CCR6: variants seen among roughly 807,000 people sequenced by gnomAD.
CCR6 encodes the protein C-C chemokine receptor type 6.
A neutral mutation model predicts 3.0 loss-of-function variants in CCR6; 2 were observed. The ratio of observed to expected loss-of-function variants is 0.66; its 90% CI spans 0.27 to 2.07. CCR6 has a LOEUF of 2.07. CCR6 is among the 30% of genes most tolerant of loss of function. The pLI is 0.14. For synonymous variants in CCR6, 193 were observed against 184.3 expected (o/e 1.05, Z -0.38); for missense variants, 322 against 462.8 (o/e 0.70, Z 2.79).
chr6:167,120,127 C>G (rs1012952208), upstream of CCR6, among the ~76,000 whole-genome samples: 6 of 152,126 alleles, frequency 3.9e-5, no homozygotes, highest in African/African-American at 1.4e-4. Flanking sequence ...TCTCTTGTGG[C>G]TCTGGGGGTC....
chr6:167,124,908 A>C (rs547497160), intron 1 of CCR6, among the ~76,000 whole-genome samples: 1 of 152,222 alleles, frequency 6.6e-6, no homozygotes, highest in East Asian at 1.9e-4. Flanking sequence ...ACACACATGT[A>C]TGTATACATG....
chr6:167,129,102 G>T (rs142883079), intron 1 of CCR6, among the ~76,000 whole-genome samples: 1 of 152,176 alleles, frequency 6.6e-6, no homozygotes, highest in Admixed American at 6.5e-5. Context: ...GCTGAAGGCC[G>T]AAATCAGTGC....
chr6:167,118,822 T>G (rs1781540933), upstream of CCR6, among the ~76,000 whole-genome samples: 1 of 152,068 alleles, frequency 6.6e-6, no homozygotes, highest in Non-Finnish European at 1.5e-5. Flanking sequence ...GGGCCTTTAG[T>G]GAGGATTAAT....
At chr6:167,133,930 G>GTA (rs1201380934) in intron 1 of CCR6, among the ~76,000 whole-genome samples, 29 of 29,046 alleles carry the variant, frequency 1.0e-3, no homozygotes, top group African/African-American at 3.1e-3. Context: ...TGATATATGT[G>GTA]TGTATATATA....
At chr6:167,111,838 C>G (rs1022122467) in exon 1 of CCR6, 1 of 152,330 alleles carries the variant, frequency 6.6e-6, no homozygotes, top group African/African-American at 2.4e-5. Context: ...GCAGTGTGGC[C>G]GGAGAGGAGA....
chr6:167,115,254 C>A (rs1462313888), intron 1 of CCR6: 1 of 152,248 alleles, frequency 6.6e-6, no homozygotes, highest in East Asian at 1.9e-4. Context: ...CAGCGCCCAG[C>A]GCCCTCTAGA....
intron 1 of CCR6, among the ~76,000 whole-genome samples, chr6:167,131,869 G>T (rs1562560007): frequency 6.6e-6 from 1 of 152,138 alleles, no homozygotes. Context: ...AAATGTCACC[G>T]ATTGAAGGGT....
intron 1 of CCR6, chr6:167,117,221 A>C (rs1781507999): frequency 3.5e-5 from 5 of 142,568 alleles, no homozygotes; most frequent in Admixed American, 7.0e-5. Flanking sequence ...CCTCCCTACC[A>C]CCGTCCCCGT....
intron 1 of CCR6, among the ~76,000 whole-genome samples, chr6:167,125,376 C>T (rs1015993118): frequency 6.6e-6 from 1 of 152,224 alleles, no homozygotes; most frequent in East Asian, 1.9e-4. Context: ...CAATGGCAGT[C>T]GGTCTGTTGC....
In CCR6 at chr6:167,136,856, G is replaced by C. The variant is rs748148861; in HGVS notation, c.626G>C (p.Arg209Thr). The change falls in exon 3 of 3, where the codon AGG becomes ACG. Residue 209 changes from arginine (R) to threonine (T), a missense_variant. Physicochemically the swap from Arg to Thr is moderately conservative, Grantham distance 71. Coordinates refer to ENST00000341935, the MANE Select transcript of CCR6 (RefSeq NM_031409.4). This position sits in a 1 kb window ranked among gnomAD's most constrained non-coding sequence, Gnocchi z 4.6. ...TACCAGACTGTCTCGGAGCCCATCA[G>C]GTGGAAGCTGCTGATGTTGGGGCTT... The part of the protein sequence containing the change: ...PKYQTVSEPI[R>T]WKLLMLGLEL... 3.1e-6 allele frequency: 5 copies of C among 1,614,028 alleles called. No individual in the cohort carries two copies. The highest frequency in any genetic ancestry group is 4.2e-6 in the Non-Finnish European group (5 of 1,180,036).
At chr6:167,114,082 G>A (rs1371687658) in intron 1 of CCR6, among the ~76,000 whole-genome samples, 3 of 152,222 alleles carry the variant, frequency 2.0e-5, no homozygotes, top group Admixed American at 6.5e-5. Context: ...CAACCGCATC[G>A]CAGCAGACAG....
At chr6:167,128,238 G>A (rs926637426) in intron 1 of CCR6, among the ~76,000 whole-genome samples, 1 of 152,252 alleles carries the variant, frequency 6.6e-6, no homozygotes, top group African/African-American at 2.4e-5. Flanking sequence ...ACGTACACAG[G>A]TTCTGGTGCC....
intron 1 of CCR6, chr6:167,127,278 A>C (rs1781683169): frequency 6.6e-6 from 1 of 152,210 alleles, no homozygotes; most frequent in African/African-American, 2.4e-5. Context: ...TTTCCAAAGA[A>C]CAGGAACTGA....
At chr6:167,116,856 G>A (rs1781500395) in intron 1 of CCR6, 1 of 152,308 alleles carries the variant, frequency 6.6e-6, no homozygotes, top group African/African-American at 2.4e-5. Flanking sequence ...TAGCACAGAC[G>A]TTTCTACTTT....
chr6:167,130,245 C>T (rs1038757396), intron 1 of CCR6, among the ~76,000 whole-genome samples: 1 of 151,732 alleles, frequency 6.6e-6, no homozygotes, highest in Non-Finnish European at 1.5e-5. Flanking sequence ...AGGGTAGGTT[C>T]ACTGGTTCAC....
At chr6:167,130,024 T>C (rs1232547590) in intron 1 of CCR6, among the ~76,000 whole-genome samples, 1 of 151,868 alleles carries the variant, frequency 6.6e-6, no homozygotes, top group African/African-American at 2.4e-5. Flanking sequence ...CTAGAAGTAT[T>C]CCTCTGCCCA....
chr6:167,120,766 C>A (rs1461861768), upstream of CCR6: 4 of 152,224 alleles, frequency 2.6e-5, no homozygotes, highest in Non-Finnish European at 5.9e-5. Context: ...CATTCCTCGC[C>A]TTTTATGCAC....
chr6:167,134,896 A>G (rs1562560940), intron 1 of CCR6: 1 of 152,236 alleles, frequency 6.6e-6, no homozygotes, highest in Non-Finnish European at 1.5e-5. Context: ...AGAAGGAGTG[A>G]GCCTGAGAAT....
chr6:167,133,817 A>C (rs1312041386), intron 1 of CCR6, among the ~76,000 whole-genome samples: 1 of 151,048 alleles, frequency 6.6e-6, no homozygotes, highest in Non-Finnish European at 1.5e-5. Context: ...AATGTTTTGT[A>C]GTTTTTAGCA....
Sources: allele counts gnomAD v4.1 joint callset (sites outside exome capture counted in the v4.1 genomes callset), GRCh38; gene constraint gnomAD v4.1.1; non-coding constraint Gnocchi (gnomAD v3.1); transcripts MANE v1.5; gene names NCBI Gene and HGNC (gene_info 2026-07-23, HGNC 2026-07-21).